Variants in SUGCT observed in about 807,000 individuals in gnomAD.
SUGCT encodes the protein succinyl-CoA:glutarate CoA-transferase.
Under a neutral mutation model 55.0 loss-of-function variants are expected in SUGCT, and 41 were observed. The observed-to-expected ratio is 0.74, with a 90% confidence interval of 0.58 to 0.97. The LOEUF (loss-of-function observed/expected upper bound fraction) is 0.97, where lower values mean the gene tolerates loss of function less well. Ranked by LOEUF, SUGCT falls within the 50% of genes least tolerant of loss-of-function variation. SUGCT has a pLI of 0.00. For missense variants in SUGCT, 568 were observed against 547.8 expected (o/e 1.04, Z -0.37); for synonymous variants, 187 against 200.4 (o/e 0.93, Z 0.56).
intron 13 of SUGCT, among the ~76,000 whole-genome samples, chr7:40,805,743 G>T (rs1408663669): frequency 6.6e-6 from 1 of 152,160 alleles, no homozygotes; most frequent in Non-Finnish European, 1.5e-5. Flanking sequence ...GGCCATGAGG[G>T]TATGACAAAG....
At chr7:40,832,553 G>GTTTTTTTTTTTTTT (rs1420713072) in intron 13 of SUGCT, among the ~76,000 whole-genome samples, 1 of 133,580 alleles carries the variant, frequency 7.5e-6, no homozygotes. Flanking sequence ...GTTTTCCAGG[G>GTTTTTTTTTTTTTT]TTTTTTTTGT....
chr7:40,251,911 A>C (rs1790441719), intron 7 of SUGCT, among the ~76,000 whole-genome samples: 1 of 151,452 alleles, frequency 6.6e-6, no homozygotes, highest in African/African-American at 2.4e-5. Context: ...TGTTAATAGG[A>C]CCAATTTGTA....
chr7:41,004,273 G>A, the SUGCT span, among the ~76,000 whole-genome samples: 15 of 152,210 alleles, frequency 9.9e-5, no homozygotes, highest in Non-Finnish European at 1.6e-4. Context: ...CCCTGAATAT[G>A]TAGGCCAGTG....
chr7:40,425,412 T>C (rs972475225), intron 9 of SUGCT, among the ~76,000 whole-genome samples: 1 of 152,118 alleles, frequency 6.6e-6, no homozygotes, highest in African/African-American at 2.4e-5. Flanking sequence ...TCTAACACCC[T>C]AAATTTATAG....
intron 9 of SUGCT, among the ~76,000 whole-genome samples, chr7:40,354,055 TC>T (rs1797770474): frequency 6.6e-6 from 1 of 152,132 alleles, no homozygotes; most frequent in Non-Finnish European, 1.5e-5. Flanking sequence ...CTGTTTTGCC[TC>T]CCCCCGCAAC....
intron 12 of SUGCT, among the ~76,000 whole-genome samples, chr7:40,589,627 A>G (rs933115103): frequency 2.0e-5 from 3 of 152,232 alleles, no homozygotes; most frequent in Admixed American, 2.0e-4. Context: ...TTTCCAGCAC[A>G]TTAATTTTGG....
chr7:40,786,632 A>T (rs1790026954), intron 13 of SUGCT, among the ~76,000 whole-genome samples: 1 of 152,238 alleles, frequency 6.6e-6, no homozygotes, highest in African/African-American at 2.4e-5. Context: ...CCAAAAGAAA[A>T]ATATAATTAA....
At chr7:40,621,585 T>C (rs1238370352) in intron 12 of SUGCT, among the ~76,000 whole-genome samples, 2 of 152,158 alleles carry the variant, frequency 1.3e-5, no homozygotes, top group Non-Finnish European at 2.9e-5. Flanking sequence ...GAAGGGGCTC[T>C]GGTGAGGTTT....
intron 9 of SUGCT, among the ~76,000 whole-genome samples, chr7:40,324,709 A>G (rs1200529221): frequency 6.6e-6 from 1 of 152,146 alleles, no homozygotes; most frequent in Non-Finnish European, 1.5e-5. Flanking sequence ...TCTACTGTCT[A>G]TTCTATGATG....
intron 1 of SUGCT, among the ~76,000 whole-genome samples, chr7:40,160,965 T>C (rs1784114559): frequency 6.6e-6 from 1 of 152,108 alleles, no homozygotes; most frequent in African/African-American, 2.4e-5. Flanking sequence ...CCCTTTTTGG[T>C]GGACGGTTTG....
Position 40,311,763 on chromosome 7 carries a change from T to C in SUGCT, c.721-4997T>C, listed in dbSNP as rs1181078791. ...ATCTTTTTTATTTCCTTATGTATAC[T>C]TAGTACCTAGAGTAAAGCCTTACAC... On this transcript the variant is annotated intron_variant, in intron 8 of 13. Coordinates refer to ENST00000335693, the MANE Select transcript of SUGCT (RefSeq NM_001193313.2). Among the ~76,000 whole-genome samples the C allele has an allele frequency of 2.0e-5, 3 of 152,334 alleles. No homozygotes were observed. The East Asian group carries it at 5.8e-4, about 29-fold the overall frequency.
intron 7 of SUGCT, among the ~76,000 whole-genome samples, chr7:40,246,589 T>G (rs1359094799): frequency 6.9e-6 from 1 of 144,014 alleles, no homozygotes; most frequent in Non-Finnish European, 1.5e-5. Context: ...TTTGTTTAAT[T>G]GAAGGCTTGC....
the SUGCT span, among the ~76,000 whole-genome samples, chr7:40,902,584 A>AAC: frequency 1.3e-5 from 2 of 151,522 alleles, no homozygotes; most frequent in South Asian, 4.2e-4. Context: ...CATCTCAAAA[A>AAC]AAAAAAAAAG....
At chr7:40,714,986 T>C (rs1246470458) in intron 12 of SUGCT, among the ~76,000 whole-genome samples, 1 of 152,186 alleles carries the variant, frequency 6.6e-6, no homozygotes, top group Non-Finnish European at 1.5e-5. Flanking sequence ...TTCCTAAAAC[T>C]CAGCGGCAAA....
chr7:40,404,001 C>T (rs756247234), intron 9 of SUGCT, among the ~76,000 whole-genome samples: 29 of 152,088 alleles, frequency 1.9e-4, no homozygotes, highest in African/African-American at 6.5e-4. Context: ...TCCTTTTCCA[C>T]GCTGTAGCCA....
intron 9 of SUGCT, among the ~76,000 whole-genome samples, chr7:40,362,360 A>C (rs1277896307): frequency 2.6e-5 from 4 of 152,202 alleles, no homozygotes; most frequent in South Asian, 4.1e-4. Context: ...CAGAAGTTGC[A>C]GTGAGCCAAG....
chr7:40,591,992 G>C (rs1797749782), intron 12 of SUGCT, among the ~76,000 whole-genome samples: 1 of 151,896 alleles, frequency 6.6e-6, no homozygotes, highest in South Asian at 2.1e-4. Context: ...TTTTGCAATG[G>C]TCTGAGCCAA....
At chr7:40,655,605 AATGC>A (rs1290306598) in intron 12 of SUGCT, among the ~76,000 whole-genome samples, 4 of 152,208 alleles carry the variant, frequency 2.6e-5, no homozygotes, top group Non-Finnish European at 5.9e-5. Flanking sequence ...GATATTCTTT[AATGC>A]CAGGGACAGT....
At chr7:40,727,461 C>G (rs534396671) in intron 12 of SUGCT, among the ~76,000 whole-genome samples, 14 of 152,142 alleles carry the variant, frequency 9.2e-5, no homozygotes, top group South Asian at 8.3e-4. Context: ...GTTCCAAGGC[C>G]CTGATAGTTT....
Sources: gnomAD v4.1 joint callset for allele counts (sites outside exome capture counted in the v4.1 genomes callset) on GRCh38, gnomAD v4.1.1 for gene constraint, MANE v1.5 for transcripts, NCBI Gene and HGNC (gene_info 2026-07-23, HGNC 2026-07-21) for gene names.